GREB1L: variants seen among roughly 807,000 people sequenced by gnomAD.
GREB1L encodes the protein GREB1-like protein.
In GREB1L, 17 loss-of-function variants were observed where a neutral mutation model predicts 200.8. The observed-to-expected ratio is 0.08, with a 90% CI of 0.06 to 0.13. The LOEUF is 0.13. GREB1L is among the 10% of genes least tolerant of loss of function. The probability of loss-of-function intolerance (pLI) is 1.00; values close to 1 mark genes in which losing one functional copy is unlikely to be tolerated. For synonymous variants in GREB1L, 789 were observed against 893.0 expected, an observed-to-expected ratio of 0.88 and a Z score of 2.08; for missense variants, 1,657 against 2,367.7, an observed-to-expected ratio of 0.70 and a Z score of 6.23.
intron 23 of GREB1L, among the ~76,000 whole-genome samples, chr18:21,503,422 G>A (rs2036881067): frequency 6.6e-6 from 1 of 151,962 alleles, no homozygotes; most frequent in Non-Finnish European, 1.5e-5. Flanking sequence ...GGCCAGCCTG[G>A]TCTCAAACTC....
chr18:21,491,433 G>C (rs2036328371), intron 19 of GREB1L, among the ~76,000 whole-genome samples: 2 of 152,142 alleles, frequency 1.3e-5, no homozygotes, highest in Admixed American at 1.3e-4. Flanking sequence ...TTCTGGGCTG[G>C]GCGCAGTGGC....
intron 29 of GREB1L, 78 bp from the exon 30 acceptor site, chr18:21,516,535 A>T (rs2037423182): frequency 7.4e-7 from 1 of 1,355,732 alleles, no homozygotes; most frequent in African/African-American, 1.5e-5. Flanking sequence ...ATCTTGCCAC[A>T]CATTTATTTC....
intron 1 of GREB1L, among the ~76,000 whole-genome samples, chr18:21,362,870 A>G (rs772470903): frequency 3.3e-5 from 5 of 152,198 alleles, no homozygotes; most frequent in Non-Finnish European, 5.9e-5. Context: ...TCCTGCATCT[A>G]CAGCTTCCCT....
At chr18:21,430,608 T>TTA (rs1491530758) in intron 7 of GREB1L, among the ~76,000 whole-genome samples, 5 of 120,142 alleles carry the variant, frequency 4.2e-5, no homozygotes, top group East Asian at 2.6e-4. Flanking sequence ...TTTTTTTTTT[T>TTA]AATTTGAGAC....
chr18:21,252,137 G>A (rs2037716558), intron 1 of GREB1L, among the ~76,000 whole-genome samples: 1 of 152,150 alleles, frequency 6.6e-6, no homozygotes, highest in Non-Finnish European at 1.5e-5. Flanking sequence ...AGAAATGCAA[G>A]TTACAAATAA....
chr18:21,513,772 C>G, intron 27 of GREB1L, 49 bp from the exon 28 acceptor site: 2 of 1,521,300 alleles, frequency 1.3e-6, no homozygotes, highest in Non-Finnish European at 1.8e-6. Flanking sequence ...TCAGCCAAGC[C>G]TGAGTGAAGG....
At chr18:21,486,060 A>C (rs2036115843) in intron 18 of GREB1L, among the ~76,000 whole-genome samples, 1 of 152,184 alleles carries the variant, frequency 6.6e-6, no homozygotes, top group Admixed American at 6.6e-5. Flanking sequence ...TTGCTTATTC[A>C]AGACCCGCTT....
chr18:21,311,990 C>T (rs2144807639), intron 1 of GREB1L, among the ~76,000 whole-genome samples: 1 of 152,270 alleles, frequency 6.6e-6, no homozygotes, highest in South Asian at 2.1e-4. Flanking sequence ...CCACCTTCCA[C>T]CCGCAAGTAG....
intron 1 of GREB1L, among the ~76,000 whole-genome samples, chr18:21,339,812 G>A (rs751973441): frequency 6.6e-6 from 1 of 152,126 alleles, no homozygotes; most frequent in Non-Finnish European, 1.5e-5. Context: ...GTGTTCATAA[G>A]ATTTTTTTTG....
chr18:21,494,238 C>T (rs1029997214), intron 19 of GREB1L, among the ~76,000 whole-genome samples: 7 of 152,080 alleles, frequency 4.6e-5, no homozygotes, highest in African/African-American at 1.7e-4. Flanking sequence ...TGAACAGTTA[C>T]GTAGATTCCC....
At chr18:21,483,083 C>G (rs762621178) in intron 17 of GREB1L, among the ~76,000 whole-genome samples, 12 of 152,268 alleles carry the variant, frequency 7.9e-5, no homozygotes, top group South Asian at 2.1e-4. Context: ...CTCTAGTTCT[C>G]AAAACCCATA....
intron 1 of GREB1L, among the ~76,000 whole-genome samples, chr18:21,302,527 G>A (rs1279565818): frequency 1.3e-5 from 2 of 152,288 alleles, no homozygotes; most frequent in Non-Finnish European, 1.5e-5. Context: ...GATTATTTCA[G>A]GTTACTGTTT....
At chr18:21,338,465 C>A (rs2039220625) in intron 1 of GREB1L, among the ~76,000 whole-genome samples, 1 of 152,256 alleles carries the variant, frequency 6.6e-6, no homozygotes, top group African/African-American at 2.4e-5. Context: ...ATTGCTGAAA[C>A]AAATGGAAAT....
intron 5 of GREB1L, among the ~76,000 whole-genome samples, chr18:21,397,524 CAA>C (rs10719044): frequency 1.3e-4 from 13 of 103,360 alleles, no homozygotes; most frequent in South Asian, 3.1e-4. Flanking sequence ...GACTCCGTCT[CAA>C]AAAAAAAAAA....
At chr18:21,374,526 A>G (rs1159899708) in intron 2 of GREB1L, among the ~76,000 whole-genome samples, 2 of 152,238 alleles carry the variant, frequency 1.3e-5, no homozygotes, top group Non-Finnish European at 2.9e-5. Context: ...TTAGAAATAC[A>G]TATTTTAAAA....
chr18:21,287,175 C>T (rs536402047), intron 1 of GREB1L, among the ~76,000 whole-genome samples: 1 of 150,886 alleles, frequency 6.6e-6, no homozygotes, highest in Non-Finnish European at 1.5e-5. Context: ...TTGTTTGTTT[C>T]GAAAAACAGA....
intron 1 of GREB1L, among the ~76,000 whole-genome samples, chr18:21,316,266 G>A (rs1456398596): frequency 3.3e-5 from 5 of 151,994 alleles, no homozygotes; most frequent in African/African-American, 7.3e-5. Context: ...TCATTCTGTC[G>A]CCAGGCTGGA....
At chr18:21,333,450 G>A (rs1455614761) in intron 1 of GREB1L, among the ~76,000 whole-genome samples, 1 of 151,962 alleles carries the variant, frequency 6.6e-6, no homozygotes, top group African/African-American at 2.4e-5. Context: ...CAAGGCAGAC[G>A]GATCACCTGA....
chr18:21,439,051 A>G (rs774689135), intron 7 of GREB1L, among the ~76,000 whole-genome samples: 3 of 152,148 alleles, frequency 2.0e-5, no homozygotes, highest in African/African-American at 4.8e-5. Context: ...GTTTGCTTCA[A>G]AATAATTCAC....
Sources: gnomAD v4.1 joint callset for allele counts (sites outside exome capture counted in the v4.1 genomes callset) on GRCh38, gnomAD v4.1.1 for gene constraint, MANE v1.5 for transcripts, NCBI Gene and HGNC (gene_info 2026-07-23, HGNC 2026-07-21) for gene names.